The following FRMPD4 variants were observed in gnomAD, a reference collection of about 807,000 sequenced individuals.
The protein encoded by FRMPD4 is FERM and PDZ domain-containing protein 4.
FRMPD4 carries 22 observed loss-of-function variants against 94.1 expected under a neutral mutation model. That is an observed-to-expected ratio of 0.23 (90% CI 0.17 to 0.33). FRMPD4 has a LOEUF of 0.33. Ranked by LOEUF, FRMPD4 falls within the 10% of genes least tolerant of loss-of-function variation. The pLI, the probability that FRMPD4 is intolerant of heterozygous loss-of-function variation, is 1.00. For missense variants in FRMPD4, 1,111 were observed against 1,339.9 expected (o/e 0.83, Z 2.67); for synonymous variants, 631 against 548.6 (o/e 1.15, Z -2.10).
chrX:12,428,106 T>C (rs5979626), intron 1 of FRMPD4, among the ~76,000 whole-genome samples: 44,622 of 106,985 alleles, frequency 0.42, 7,417 homozygotes, highest in South Asian at 0.55. Context: ...AGAGACGGGG[T>C]TTCACCGTGT....
intron 1 of FRMPD4, among the ~76,000 whole-genome samples, chrX:12,143,922 A>G (rs780499679): frequency 1.8e-5 from 2 of 112,192 alleles, no homozygotes; most frequent in East Asian, 5.5e-4. Flanking sequence ...TTCTTTGGTC[A>G]CTAAGTTGAC....
At chrX:11,848,012 C>T (rs749822583) in intron 1 of FRMPD4, among the ~76,000 whole-genome samples, 2 of 103,460 alleles carry the variant, frequency 1.9e-5, no homozygotes, top group South Asian at 4.5e-4. Context: ...TGCACATGTA[C>T]CCTAAAACTT....
intron 4 of FRMPD4, among the ~76,000 whole-genome samples, chrX:12,664,080 T>C (rs2059748645): frequency 8.9e-6 from 1 of 112,492 alleles, no homozygotes. Flanking sequence ...TGAAGTTGCT[T>C]TTCAGCCTAA....
At chrX:12,332,430 A>G (rs1255874437) in intron 1 of FRMPD4, among the ~76,000 whole-genome samples, 1 of 109,280 alleles carries the variant, frequency 9.2e-6, no homozygotes, top group Non-Finnish European at 1.9e-5. Flanking sequence ...CAGTCAAAAT[A>G]CAGAAACTGT....
intron 1 of FRMPD4, among the ~76,000 whole-genome samples, chrX:12,269,439 A>G (rs2054321966): frequency 8.9e-6 from 1 of 112,165 alleles, no homozygotes; most frequent in Non-Finnish European, 1.9e-5. Context: ...CAAGTCCGGG[A>G]ATCAGTTTTT....
intron 1 of FRMPD4, among the ~76,000 whole-genome samples, chrX:12,219,410 T>C (rs2056840339): frequency 9.0e-6 from 1 of 111,572 alleles, no homozygotes; most frequent in Non-Finnish European, 1.9e-5. Context: ...AAGAGCAGGC[T>C]CTGATGCCTT....
intron 3 of FRMPD4, among the ~76,000 whole-genome samples, chrX:11,956,691 T>C (rs2054258894): frequency 8.9e-6 from 1 of 112,550 alleles, no homozygotes; most frequent in African/African-American, 3.2e-5. Flanking sequence ...TAGCATCTTT[T>C]TTTTCTTCAT....
intron 1 of FRMPD4, among the ~76,000 whole-genome samples, chrX:12,269,416 A>G (rs2054321576): frequency 8.9e-6 from 1 of 111,834 alleles, no homozygotes; most frequent in African/African-American, 3.3e-5. Context: ...TGTTCTATAC[A>G]TTGATCCACT....
chrX:12,628,442 T>C (rs780363379), intron 4 of FRMPD4, among the ~76,000 whole-genome samples: 7 of 112,105 alleles, frequency 6.2e-5, no homozygotes, highest in East Asian at 2.8e-4. Context: ...TTGTTCACCA[T>C]TGTCAACCCT....
chrX:11,844,084 T>C (rs1157308620), intron 1 of FRMPD4, among the ~76,000 whole-genome samples: 3 of 106,397 alleles, frequency 2.8e-5, no homozygotes. Flanking sequence ...GCCTCCCAAG[T>C]TGAAGAGATT....
At chrX:12,639,611 G>T (rs1355945881) in intron 4 of FRMPD4, among the ~76,000 whole-genome samples, 8 of 112,115 alleles carry the variant, frequency 7.1e-5, no homozygotes, top group African/African-American at 2.6e-4. Context: ...TTTTTAAAAA[G>T]TACCTATTTA....
At chrX:12,680,992 A>G (rs2059965915) in intron 5 of FRMPD4, among the ~76,000 whole-genome samples, 1 of 111,636 alleles carries the variant, frequency 9.0e-6, no homozygotes, top group African/African-American at 3.3e-5. Context: ...CGAAAACTCT[A>G]TATTTGTTAT....
chrX:12,538,342 G>A (rs1211730184), intron 2 of FRMPD4, among the ~76,000 whole-genome samples: 3 of 55,162 alleles, frequency 5.4e-5, no homozygotes, highest in South Asian at 7.5e-4. Flanking sequence ...GCTCGAAATG[G>A]GTGGAGCCCA....
Position 12,701,909 on chromosome X carries a change from G to T in FRMPD4, c.969G>T (p.Pro323=). 8.3e-7 allele frequency: 1 copy of T among 1,210,817 alleles called. No individual in the cohort carries two copies. The highest frequency in any genetic ancestry group is 3.0e-5 in the East Asian group (1 of 33,854). The change falls in exon 10 of 17, where the codon CCG becomes CCT. Residue 323 remains proline (P), a synonymous_variant. Coordinates refer to ENST00000675598, the MANE Select transcript of FRMPD4 (RefSeq NM_001368397.1). ...CNDVVQERFG[P]ELKYDIALRL... is the part of the protein sequence containing the mutation. Reference sequence around the variant, plus strand: ...ATGTGGTTCAGGAGCGATTTGGGCCGGAGCTGAAATATGACATAGCCCTGC... The same window carrying T: ...ATGTGGTTCAGGAGCGATTTGGGCCTGAGCTGAAATATGACATAGCCCTGC...
rs1303143020 is a variant in FRMPD4, at chrX:12,376,705, G to A, written c.42-121975G>A. Among the ~76,000 whole-genome samples, 3 of 112,783 alleles carry A rather than the reference G, an allele frequency of 2.7e-5. No individual in the cohort carries two copies. The East Asian group carries it at 8.3e-4, about 31-fold the overall frequency. ...CACACAGTTTCTTTATCCTTGGTTG[G>A]CAGATGTGAAAATTCTGACCATTTG... On this transcript the variant is annotated intron_variant, in intron 1 of 16. Transcript: ENST00000675598.
chrX:12,130,540 T>C (rs1001960486), intron 3 of FRMPD4, among the ~76,000 whole-genome samples: 2 of 111,317 alleles, frequency 1.8e-5, no homozygotes, highest in African/African-American at 6.5e-5. Context: ...ATGCCTAGTA[T>C]ATAGTAGATG....
At chrX:11,854,398 C>G (rs1455076848) in intron 1 of FRMPD4, among the ~76,000 whole-genome samples, 4 of 111,847 alleles carry the variant, frequency 3.6e-5, no homozygotes, top group Non-Finnish European at 5.6e-5. Context: ...AACAGTCTTC[C>G]AAAGTCTTAA....
At chrX:11,857,598 A>C (rs1299497273) in intron 1 of FRMPD4, among the ~76,000 whole-genome samples, 1 of 112,965 alleles carries the variant, frequency 8.9e-6, no homozygotes, top group African/African-American at 3.2e-5. Flanking sequence ...AAAGCTATAA[A>C]AACCCTGGAA....
chrX:12,682,750 CT>C (rs912750144), intron 5 of FRMPD4, among the ~76,000 whole-genome samples: 20 of 112,004 alleles, frequency 1.8e-4, no homozygotes, highest in African/African-American at 6.5e-4. Context: ...CTTCCAATTT[CT>C]GAGGAAGAAT....
Sources: allele counts gnomAD v4.1 joint callset (sites outside exome capture counted in the v4.1 genomes callset), GRCh38; gene constraint gnomAD v4.1.1; transcripts MANE v1.5; gene names NCBI Gene and HGNC (gene_info 2026-07-23, HGNC 2026-07-21).